The following ZPBP variants were observed in gnomAD, a reference collection of about 807,000 sequenced individuals.
The protein encoded by ZPBP is zona pellucida-binding protein 1.
A neutral mutation model predicts 44.8 loss-of-function variants in ZPBP; 26 were observed. That is an observed-to-expected ratio of 0.58 (90% CI 0.43 to 0.81). The LOEUF (loss-of-function observed/expected upper bound fraction) is 0.81. ZPBP is among the 30% of genes least tolerant of loss of function. The pLI is 0.00. For missense variants in ZPBP, 409 were observed against 434.0 expected, an observed-to-expected ratio of 0.94 and a Z score of 0.51; for synonymous variants, 174 against 153.2, an observed-to-expected ratio of 1.14 and a Z score of -1.00.
chr7:49,891,358 A>G (rs1792120192), intron 2 of ZPBP, among the ~76,000 whole-genome samples: 2 of 152,236 alleles, frequency 1.3e-5, no homozygotes, highest in South Asian at 4.1e-4. Context: ...AAGAACTAAA[A>G]AGAGAGATGA....
At chr7:50,091,777 T>C (rs761862008) in intron 1 of ZPBP, among the ~76,000 whole-genome samples, 1 of 152,152 alleles carries the variant, frequency 6.6e-6, no homozygotes, top group Non-Finnish European at 1.5e-5. Flanking sequence ...GGCATAATAG[T>C]GTGAGGGGCA....
chr7:49,848,825 A>G (rs1457866825), downstream of ZPBP, among the ~76,000 whole-genome samples: 1 of 152,344 alleles, frequency 6.6e-6, no homozygotes, highest in African/African-American at 2.4e-5. Context: ...ATACACTTTT[A>G]TAGTATAGTC....
At chr7:50,057,931 TATTTA>T (rs1801047342) in intron 4 of ZPBP, 53 bp downstream of exon 4, 3 of 1,499,802 alleles carry the variant, frequency 2.0e-6, no homozygotes, top group Non-Finnish European at 2.8e-6. Flanking sequence ...TACTTAAACA[TATTTA>T]AATGTTTAAA....
chr7:50,038,720 G>A (rs144266185), intron 4 of ZPBP, among the ~76,000 whole-genome samples: 473 of 152,274 alleles, frequency 3.1e-3, no homozygotes, highest in African/African-American at 0.011. Context: ...CATATACAAT[G>A]TTGGTCCCAT....
chr7:50,045,660 T>A lies in ZPBP; in HGVS notation c.487+12329A>T, dbSNP rs1157563262. ...GGAAATAAGAGAGGACACAAACAAA[T>A]GGAAAAACATTCCATGTTCATGGAT... On this transcript the variant is annotated intron_variant, in intron 4 of 7. Transcript: ENST00000046087. 3.3e-5 allele frequency among the ~76,000 whole-genome samples: 5 copies of A among 152,082 alleles called. No homozygotes were observed. In the South Asian group the frequency reaches 1.0e-3, roughly 32 times the overall value.
At chr7:50,000,257 T>C (rs1209438156) in intron 6 of ZPBP, among the ~76,000 whole-genome samples, 4 of 152,200 alleles carry the variant, frequency 2.6e-5, no homozygotes, top group African/African-American at 7.2e-5. Flanking sequence ...GAATCAAATA[T>C]GTTTTGTGAT....
chr7:49,910,549 C>T (rs1793351707), intron 1 of ZPBP, among the ~76,000 whole-genome samples: 2 of 151,910 alleles, frequency 1.3e-5, no homozygotes, highest in Admixed American at 6.6e-5. Flanking sequence ...AGAGCAGTTG[C>T]TCATAGCTGA....
intron 6 of ZPBP, among the ~76,000 whole-genome samples, chr7:50,011,800 C>A (rs1258878074): frequency 5.3e-5 from 8 of 151,812 alleles, no homozygotes; most frequent in Admixed American, 2.6e-4. Context: ...GACTGTAATC[C>A]CAGCACTTTG....
chr7:49,862,505 A>T (rs1790694173), intron 2 of ZPBP, among the ~76,000 whole-genome samples: 2 of 152,182 alleles, frequency 1.3e-5, no homozygotes, highest in Admixed American at 6.5e-5. Flanking sequence ...TAAATGTTGA[A>T]TAGCAGTGGT....
chr7:50,076,883 AATAG>A (rs1231673050), intron 3 of ZPBP, among the ~76,000 whole-genome samples: 1 of 152,006 alleles, frequency 6.6e-6, no homozygotes, highest in East Asian at 1.9e-4. Context: ...TCTTCACAGA[AATAG>A]AAAAAACAAC....
intron 5 of ZPBP, among the ~76,000 whole-genome samples, chr7:50,029,878 C>T (rs1160053428): frequency 6.6e-6 from 1 of 152,096 alleles, no homozygotes; most frequent in Non-Finnish European, 1.5e-5. Flanking sequence ...GTTCTTTTAA[C>T]AGATTCTCAC....
intron 1 of ZPBP, among the ~76,000 whole-genome samples, chr7:49,904,022 T>C (rs913973557): frequency 6.6e-6 from 1 of 152,156 alleles, no homozygotes; most frequent in African/African-American, 2.4e-5. Context: ...AATCTTATTT[T>C]GTAAATGAAC....
chr7:49,891,896 T>C (rs1792144985), intron 2 of ZPBP, among the ~76,000 whole-genome samples: 1 of 152,166 alleles, frequency 6.6e-6, no homozygotes, highest in Admixed American at 6.5e-5. Context: ...AAAGTAAATA[T>C]CTATCAAGAG....
At chr7:50,048,965 T>C (rs142550764) in intron 4 of ZPBP, among the ~76,000 whole-genome samples, 1,581 of 151,682 alleles carry the variant, frequency 0.01, 12 homozygotes, top group Non-Finnish European at 0.016. Flanking sequence ...GATAGAAGAC[T>C]CAAATTACTA....
intron 6 of ZPBP, among the ~76,000 whole-genome samples, chr7:49,996,879 A>C (rs1273270201): frequency 6.6e-6 from 1 of 152,190 alleles, no homozygotes; most frequent in Non-Finnish European, 1.5e-5. Context: ...CCTTAGGCTT[A>C]CTATGCCCAC....
intron 2 of ZPBP, 146 bp from the exon 3 acceptor site, chr7:50,082,045 T>TAGAA: frequency 1.2e-6 from 1 of 827,692 alleles, no homozygotes; most frequent in Non-Finnish European, 1.9e-6. Context: ...CTAAATTTCA[T>TAGAA]TGCATTCTAT....
intron 4 of ZPBP, among the ~76,000 whole-genome samples, chr7:50,048,717 T>G (rs1800520252): frequency 6.6e-6 from 1 of 151,928 alleles, no homozygotes; most frequent in South Asian, 2.1e-4. Context: ...GCCATAGGCA[T>G]GGCATATTAT....
intron 3 of ZPBP, among the ~76,000 whole-genome samples, chr7:50,081,049 C>G (rs1402557277): frequency 6.6e-6 from 1 of 151,700 alleles, no homozygotes; most frequent in Non-Finnish European, 1.5e-5. Flanking sequence ...GATCTCTTAG[C>G]TATATAAATA....
intron 6 of ZPBP, among the ~76,000 whole-genome samples, chr7:50,016,533 T>G (rs1798830803): frequency 1.3e-5 from 2 of 151,840 alleles, no homozygotes; most frequent in Admixed American, 1.3e-4. Context: ...CCTGCACATG[T>G]ACCCCCTGAA....
Sources: gnomAD v4.1 joint callset for allele counts (sites outside exome capture counted in the v4.1 genomes callset) on GRCh38, gnomAD v4.1.1 for gene constraint, MANE v1.5 for transcripts, NCBI Gene and HGNC (gene_info 2026-07-23, HGNC 2026-07-21) for gene names.